Variants in DHRS12 observed in about 807,000 individuals in gnomAD.
DHRS12 encodes the protein dehydrogenase/reductase SDR family member 12.
Under a neutral mutation model 32.1 loss-of-function variants are expected in DHRS12, and 29 were observed. That is an observed-to-expected ratio of 0.90 (90% confidence interval 0.67 to 1.23). The LOEUF is 1.23. DHRS12 is among the 50% of genes most tolerant of loss of function. The pLI is 0.00. For missense variants in DHRS12, 330 were observed against 337.2 expected (o/e 0.98, Z 0.17); for synonymous variants, 150 against 135.9 (o/e 1.10, Z -0.72).
intron 5 of DHRS12, 139 bp downstream of exon 5, chr13:51,776,921 C>G: frequency 1.1e-6 from 1 of 921,140 alleles, no homozygotes; most frequent in Non-Finnish European, 1.7e-6. Context: ...CCTCTCGGCC[C>G]CCTGACAGAA....
intron 2 of DHRS12, among the ~76,000 whole-genome samples, chr13:51,796,527 C>A (rs570801108): frequency 6.6e-6 from 1 of 152,330 alleles, no homozygotes; most frequent in Non-Finnish European, 1.5e-5. Context: ...CTTTTCAGCT[C>A]TCTACCCCTC....
chr13:51,759,107 G>T, the DHRS12 span, among the ~76,000 whole-genome samples: 1 of 152,208 alleles, frequency 6.6e-6, no homozygotes. Flanking sequence ...CTTGAGCCCA[G>T]TAAGTCGAGG....
At chr13:51,770,975 G>A (rs1017029642) in intron 7 of DHRS12, 6 of 1,346,306 alleles carry the variant, frequency 4.5e-6, no homozygotes, top group Admixed American at 3.3e-5. Context: ...GAATTCCAAG[G>A]CTTCTGATAA....
At chr13:51,789,236 C>T (rs1197854329) in intron 4 of DHRS12, among the ~76,000 whole-genome samples, 2 of 152,004 alleles carry the variant, frequency 1.3e-5, no homozygotes, top group African/African-American at 2.4e-5. Flanking sequence ...AATTAAAACA[C>T]CCCCCTCACT....
At chr13:51,800,062 A>T (rs1037402134) in intron 1 of DHRS12, among the ~76,000 whole-genome samples, 2 of 151,962 alleles carry the variant, frequency 1.3e-5, no homozygotes, top group African/African-American at 4.8e-5. Context: ...ATTGCAGGAC[A>T]GATATCCTTG....
intron 4 of DHRS12, among the ~76,000 whole-genome samples, chr13:51,780,090 T>A: frequency 6.6e-6 from 1 of 152,174 alleles, no homozygotes; most frequent in East Asian, 1.9e-4. Context: ...GGCAGGAGAA[T>A]CGCTTGAACC....
intron 2 of DHRS12, among the ~76,000 whole-genome samples, chr13:51,794,530 T>C (rs960716257): frequency 6.6e-6 from 1 of 152,186 alleles, no homozygotes; most frequent in Non-Finnish European, 1.5e-5. Context: ...TTTTTTATCA[T>C]GGTGTGTGAT....
the DHRS12 span, chr13:51,762,033 A>G: frequency 6.6e-6 from 1 of 152,244 alleles, no homozygotes; most frequent in Non-Finnish European, 1.5e-5. Context: ...AAATATTCAA[A>G]TATCTATTTT....
the DHRS12 span, chr13:51,761,094 T>G: frequency 3.3e-5 from 5 of 152,360 alleles, no homozygotes; most frequent in African/African-American, 1.2e-4. Context: ...AACTAGATAT[T>G]TAAACATTTT....
chr13:51,769,755 GGGA>G (rs1437090702), intron 7 of DHRS12, among the ~76,000 whole-genome samples: 6 of 152,168 alleles, frequency 3.9e-5, no homozygotes, highest in African/African-American at 1.4e-4. Flanking sequence ...TCCTCTTTTA[GGGA>G]GGAGTAGATA....
At chr13:51,762,635 G>C in the DHRS12 span, 71 of 152,312 alleles carry the variant, frequency 4.7e-4, no homozygotes, top group African/African-American at 1.6e-3. Context: ...GGAAATGGAG[G>C]CTCCATTCCT....
chr13:51,791,282 A>AC (rs1955256995), intron 2 of DHRS12, 25 bp from the exon 3 acceptor site: 1 of 1,389,176 alleles, frequency 7.2e-7, no homozygotes, highest in African/African-American at 1.5e-5. Context: ...AAAAAAAAAA[A>AC]AAACCCTTTT....
rs574106364 is a variant in DHRS12, at chr13:51,782,083, G to A, written c.302-4962C>T. On this transcript the variant is annotated intron_variant, in intron 4 of 8. Transcript: ENST00000444610. This position sits in a 1 kb window ranked among gnomAD's most constrained non-coding sequence, Gnocchi z 4.2. ...AAGTGAGGGGGTGTCAAGGACAAGC[G>A]GTGACGGAGATGATGCTGGCCACTG... Among the ~76,000 whole-genome samples, 3 of 152,226 alleles carry A rather than the reference G, an allele frequency of 2.0e-5. No homozygotes were observed. Among genetic ancestry groups the A allele is most frequent in the East Asian group, 1.9e-4 (1 of 5,158 alleles).
chr13:51,774,099 G>C, intron 5 of DHRS12, 65 bp from the exon 6 acceptor site: 1 of 1,457,642 alleles, frequency 6.9e-7, no homozygotes, highest in Non-Finnish European at 9.6e-7. Context: ...TTCACCCCCT[G>C]TAGAGCAGTG....
At chr13:51,777,622 A>C (rs1174625522) in intron 4 of DHRS12, among the ~76,000 whole-genome samples, 1 of 152,252 alleles carries the variant, frequency 6.6e-6, no homozygotes, top group Non-Finnish European at 1.5e-5. Flanking sequence ...TATACATATA[A>C]CATTTCTAAT....
At chr13:51,798,072 G>A (rs776254596) in intron 2 of DHRS12, among the ~76,000 whole-genome samples, 5 of 152,144 alleles carry the variant, frequency 3.3e-5, no homozygotes, top group African/African-American at 4.8e-5. Context: ...TGGTGAGGGA[G>A]GTGCTGGAAC....
At chr13:51,800,002 G>C (rs1256251185) in intron 1 of DHRS12, among the ~76,000 whole-genome samples, 1 of 152,200 alleles carries the variant, frequency 6.6e-6, no homozygotes, top group Admixed American at 6.5e-5. Context: ...CCCTTTTGTG[G>C]GGGGCAGGTT....
chr13:51,769,392 T>G, intron 7 of DHRS12, 99 bp from the exon 8 acceptor site: 1 of 1,001,822 alleles, frequency 1.0e-6, no homozygotes, highest in Non-Finnish European at 1.4e-6. Flanking sequence ...AAAAATGAAA[T>G]GGGATCATAA....
intron 1 of DHRS12, among the ~76,000 whole-genome samples, chr13:51,801,292 T>C (rs1418549083): frequency 1.3e-5 from 2 of 152,124 alleles, no homozygotes; most frequent in East Asian, 3.9e-4. Context: ...GTTCAAGTGA[T>C]TCTCCTGTCT....
Sources: allele counts gnomAD v4.1 joint callset (sites outside exome capture counted in the v4.1 genomes callset), GRCh38; gene constraint gnomAD v4.1.1; non-coding constraint Gnocchi (gnomAD v3.1); transcripts MANE v1.5; gene names NCBI Gene and HGNC (gene_info 2026-07-23, HGNC 2026-07-21).